The following TMEM67 variants were observed in gnomAD, a reference collection of about 807,000 sequenced individuals.
TMEM67 encodes transmembrane protein 67.
Under a neutral mutation model 136.6 loss-of-function variants are expected in TMEM67, and 124 were observed. The observed-to-expected ratio is 0.91, with a 90% confidence interval of 0.78 to 1.05. The LOEUF is 1.05. Ranked by LOEUF, TMEM67 falls within the 50% of genes least tolerant of loss-of-function variation. TMEM67 has a pLI of 0.00. For missense variants in TMEM67, 1,107 were observed against 1,178.4 expected (o/e 0.94, Z 0.89); for synonymous variants, 364 against 390.5 (o/e 0.93, Z 0.80).
At chr8:93,830,660 A>C in the TMEM67 span, among the ~76,000 whole-genome samples, 2 of 152,230 alleles carry the variant, frequency 1.3e-5, no homozygotes, top group African/African-American at 4.8e-5. Flanking sequence ...TTGTTGTAAG[A>C]GAATAGGAAA....
chr8:93,798,340 C>A (rs766660669), intron 20 of TMEM67, among the ~76,000 whole-genome samples: 1 of 152,142 alleles, frequency 6.6e-6, no homozygotes, highest in African/African-American at 2.4e-5. Flanking sequence ...TGAAAAAGCT[C>A]CCTACCCCCG....
chr8:93,755,543 CAG>C (rs1007500151), intron 1 of TMEM67, among the ~76,000 whole-genome samples: 2 of 152,006 alleles, frequency 1.3e-5, no homozygotes, highest in Non-Finnish European at 2.9e-5. Context: ...GAAGCCAAGG[CAG>C]AGAGTTTAGT....
chr8:93,829,378 C>CTGTGTGTGTG, the TMEM67 span, among the ~76,000 whole-genome samples: 8 of 148,186 alleles, frequency 5.4e-5, 1 homozygote. Flanking sequence ...CTCTCTCTCT[C>CTGTGTGTGTG]TCTCTGTGTG....
At chr8:93,808,772 G>C in intron 23 of TMEM67, 68 bp from the exon 24 acceptor site, 1 of 974,512 alleles carries the variant, frequency 1.0e-6, no homozygotes, top group Non-Finnish European at 1.7e-6. Context: ...AAAAAGTTCT[G>C]TATTTTCTTT....
At position 93,780,892 on chromosome 8, in the gene TMEM67, G is replaced by T. The variant is rs386834208; in HGVS notation, c.888G>T (p.Trp296Cys). 1.8e-5 allele frequency: 29 copies of T among 1,611,762 alleles called. No homozygotes were observed. Among genetic ancestry groups the T allele is most frequent in the Non-Finnish European group, 2.5e-5 (29 of 1,179,276 alleles). Reference protein sequence around the residue: ...SISFWRQNLPWLFYGDQLGLA... With the variant: ...SISFWRQNLPCLFYGDQLGLA... ...TTTATAGGAGACAGAATCTTCCTTG[G>T]CTGTTTTATGGAGACCAGTTAGGAT... Residue 296 changes from tryptophan (W) to cysteine (C), a missense_variant, in exon 9 of 28, where the codon TGG becomes TGT. This residue lies in a region of TMEM67 where 925 missense variants were observed against 1,002.4 expected (regional missense o/e 0.92). Coordinates refer to ENST00000453321, the MANE Select transcript of TMEM67 (RefSeq NM_153704.6).
At chr8:93,830,855 C>T in the TMEM67 span, among the ~76,000 whole-genome samples, 5 of 152,322 alleles carry the variant, frequency 3.3e-5, no homozygotes, top group Non-Finnish European at 7.3e-5. Context: ...TCATCATGCA[C>T]AAAAGCATTT....
At chr8:93,755,190 G>T in intron 1 of TMEM67, 53 bp downstream of exon 1, 3 of 1,504,394 alleles carry the variant, frequency 2.0e-6, no homozygotes, top group Non-Finnish European at 2.8e-6. Context: ...GCCTTGGTCG[G>T]CCCCTAGTCC....
chr8:93,800,293 C>T (rs753195344), intron 21 of TMEM67, among the ~76,000 whole-genome samples: 1 of 152,046 alleles, frequency 6.6e-6, no homozygotes, highest in Admixed American at 6.6e-5. Context: ...AGGCTAAGAT[C>T]GAGTGTAATT....
In TMEM67 at chr8:93,781,895, TTTTGTTTGTTTG is replaced by T. The variant is rs533830455; in HGVS notation, c.1065+167_1065+178del. The T allele has an allele frequency of 2.2e-4, 119 of 532,038 alleles. 1 individual carries two copies. Among genetic ancestry groups the T allele is most frequent in the Non-Finnish European group, 2.4e-4 (75 of 307,726 alleles). 33.0% of individuals were successfully genotyped at this position (532,038 alleles called of 1,614,324 possible). On this transcript the variant is annotated intron_variant, in intron 10 of 27. Coordinates refer to ENST00000453321, the MANE Select transcript of TMEM67 (RefSeq NM_153704.6). ...GCTTTAAATTAGACTTTCTTAAGTT[TTTTGTTTGTTTG>T]TTTGTTTGTTTGTTTTTTCTTTTTT...
In TMEM67 at chr8:93,754,965, A is replaced by C; in HGVS notation, c.51A>C (p.Leu17Phe). Residue 17 changes from leucine (L) to phenylalanine (F), a missense_variant, in exon 1 of 28, where the codon TTA (leucine) becomes TTC (phenylalanine). By Grantham distance (22) the Leu-to-Phe change is conservative. Around this residue, in one of 3 missense-constraint regions of TMEM67, gnomAD observed 178 missense variants for 159.2 expected, o/e 1.12. Transcript: ENST00000453321. ...AGVAMAVWSL[L>F]SARAVTAFLL... ...TGGCAATGGCGGTTTGGTCCCTCTT[A>C]TCCGCCCGGGCCGTGACCGCGTTCC... is the stretch of plus-strand genomic sequence containing the variant. The C allele has an allele frequency of 1.2e-6, 2 of 1,614,050 alleles. No individual in the cohort carries two copies. Among genetic ancestry groups the C allele is most frequent in the Non-Finnish European group, 1.7e-6 (2 of 1,180,008 alleles).
At chr8:93,770,155 A>T (rs181902603) in intron 6 of TMEM67, among the ~76,000 whole-genome samples, 2 of 152,206 alleles carry the variant, frequency 1.3e-5, no homozygotes, top group African/African-American at 4.8e-5. Context: ...GACAATGACT[A>T]TGCCTATGTC....
intron 10 of TMEM67, among the ~76,000 whole-genome samples, chr8:93,781,953 T>C (rs1813853793): frequency 6.6e-6 from 1 of 152,020 alleles, no homozygotes; most frequent in Non-Finnish European, 1.5e-5. Context: ...GAGTCTCGCT[T>C]TCTTAACCAG....
Position 93,809,057 on chromosome 8 carries a change from A to T in TMEM67, c.2557A>T (p.Lys853Ter), listed in dbSNP as rs386834196. The change falls in exon 25 of 28, where the codon AAA becomes TAA. Residue 853 changes from lysine to a stop codon, truncating the protein, a stop_gained and splice_region_variant. Transcript: ENST00000453321. LOFTEE classifies it high-confidence loss of function. ...YDRIHETLIR[K>*]NGPARLLSSS... is the part of the protein sequence containing the mutation. ...TATTCATTTCTCTTTTTTACATTAG[A>T]AAAATGGTCCTGCTAGACTACTGAG... 6 of 1,598,908 alleles carry T rather than the reference A, an allele frequency of 3.8e-6. No individual in the cohort carries two copies. The highest frequency in any genetic ancestry group is 5.1e-6 in the Non-Finnish European group (6 of 1,166,708).
chr8:93,792,972 CG>C (rs1814450706), intron 15 of TMEM67, among the ~76,000 whole-genome samples: 2 of 151,936 alleles, frequency 1.3e-5, no homozygotes, highest in South Asian at 4.2e-4. Flanking sequence ...CGGGTTTCAC[CG>C]TGTTAGCCAG....
At chr8:93,760,119 T>A in intron 3 of TMEM67, 1 of 549,338 alleles carries the variant, frequency 1.8e-6, no homozygotes, top group Admixed American at 4.6e-5. Flanking sequence ...TAAAGGACCC[T>A]AATAAATTCT....
Position 93,816,504 on chromosome 8 carries a change from T to G in TMEM67, c.*52T>G. ...CAGTATAATCATGGCCAAAAAAAAG[T>G]CATGATATCAGGTTAGTTTGCCATA... On this transcript the variant is annotated 3_prime_UTR_variant, in exon 28 of 28. Coordinates refer to ENST00000453321, the MANE Select transcript of TMEM67 (RefSeq NM_153704.6). 1.0e-6 allele frequency: 1 copy of G among 997,120 alleles called. No homozygotes were observed. 61.8% of individuals were successfully genotyped at this position (997,120 alleles called of 1,614,324 possible). A position where few individuals can be genotyped will look rare whatever the true frequency, so the allele number is the denominator to read the frequency against.
intron 7 of TMEM67, among the ~76,000 whole-genome samples, chr8:93,780,147 C>G (rs981621539): frequency 6.6e-6 from 1 of 151,918 alleles, no homozygotes; most frequent in African/African-American, 2.4e-5. Context: ...TAGCAGTGAG[C>G]AAGGCTCTGT....
At chr8:93,830,646 T>G in the TMEM67 span, among the ~76,000 whole-genome samples, 3 of 152,220 alleles carry the variant, frequency 2.0e-5, no homozygotes, top group Non-Finnish European at 2.9e-5. Flanking sequence ...ATCTTGTGTG[T>G]TGATTGTTGT....
At chr8:93,774,340 T>C (rs923499409) in intron 7 of TMEM67, among the ~76,000 whole-genome samples, 57 of 152,112 alleles carry the variant, frequency 3.7e-4, no homozygotes, top group African/African-American at 1.2e-3. Flanking sequence ...GAAAACAAAA[T>C]AAACTTTTTC....
Sources: gnomAD v4.1 joint callset for allele counts (sites outside exome capture counted in the v4.1 genomes callset) on GRCh38, gnomAD v4.1.1 for gene constraint, gnomAD v4.1.1 regional missense constraint, MANE v1.5 for transcripts, NCBI Gene and HGNC (gene_info 2026-07-23, HGNC 2026-07-21) for gene names.